Variants in TBC1D22A observed in about 807,000 individuals in gnomAD.
TBC1D22A encodes the protein putative GTPase activator.
In TBC1D22A, 38 loss-of-function variants were observed where a neutral mutation model predicts 60.2. The ratio of observed to expected loss-of-function variants is 0.63; its 90% CI spans 0.49 to 0.83. TBC1D22A has a LOEUF of 0.83. Ranked by LOEUF, TBC1D22A falls within the 40% of genes least tolerant of loss-of-function variation. The pLI is 0.00. For missense variants in TBC1D22A, 628 were observed against 701.0 expected, an observed-to-expected ratio of 0.90 and a Z score of 1.18; for synonymous variants, 302 against 281.7, an observed-to-expected ratio of 1.07 and a Z score of -0.72.
chr22:47,038,723 C>T (rs140356396), intron 11 of TBC1D22A, among the ~76,000 whole-genome samples: 69 of 152,264 alleles, frequency 4.5e-4, no homozygotes, highest in Non-Finnish European at 7.9e-4. Context: ...TTTTCCTTTG[C>T]GCCGCTTGTC....
chr22:47,156,223 A>G (rs1360660794), intron 12 of TBC1D22A, among the ~76,000 whole-genome samples: 1 of 152,204 alleles, frequency 6.6e-6, no homozygotes, highest in East Asian at 1.9e-4. Context: ...GGGACCAATC[A>G]GGGGCTGGAC....
intron 8 of TBC1D22A, among the ~76,000 whole-genome samples, chr22:46,946,446 G>C (rs1419942692): frequency 6.6e-6 from 1 of 152,250 alleles, no homozygotes; most frequent in Non-Finnish European, 1.5e-5. Flanking sequence ...TCTCCTTCTT[G>C]TCTAAAGGGT....
chr22:46,915,920 GGCACTCA>G, intron 8 of TBC1D22A: 1 of 448,804 alleles, frequency 2.2e-6, no homozygotes, highest in Non-Finnish European at 4.5e-6. Flanking sequence ...TGCACATGCT[GGCACTCA>G]GAGCCCTCTC....
chr22:47,110,830 G>A (rs910865031), intron 11 of TBC1D22A, among the ~76,000 whole-genome samples: 1 of 152,204 alleles, frequency 6.6e-6, no homozygotes, highest in Non-Finnish European at 1.5e-5. Context: ...TGCAAGCCCC[G>A]AGCCTCGGTG....
At chr22:46,926,515 C>A (rs2071057584) in intron 8 of TBC1D22A, among the ~76,000 whole-genome samples, 1 of 152,130 alleles carries the variant, frequency 6.6e-6, no homozygotes. Flanking sequence ...TAATTTTGTG[C>A]TGACTTGGCT....
chr22:46,987,722 T>G (rs136126), intron 9 of TBC1D22A, among the ~76,000 whole-genome samples: 56,486 of 152,092 alleles, frequency 0.37, 11,035 homozygotes, highest in African/African-American at 0.5. Flanking sequence ...GGAGGGTGTT[T>G]TCTCGTCTTG....
intron 9 of TBC1D22A, among the ~76,000 whole-genome samples, chr22:46,987,702 T>C (rs1472932260): frequency 6.6e-6 from 1 of 152,232 alleles, no homozygotes; most frequent in Non-Finnish European, 1.5e-5. Flanking sequence ...GTTGTAATCT[T>C]TTTCCCAGCG....
chr22:47,124,780 G>A (rs1345469891), intron 12 of TBC1D22A, among the ~76,000 whole-genome samples: 1 of 151,904 alleles, frequency 6.6e-6, no homozygotes, highest in Non-Finnish European at 1.5e-5. Flanking sequence ...GGGGAAGCAG[G>A]TGATGAGTTT....
At position 47,111,472 on chromosome 22, in the gene TBC1D22A, T is replaced by G. The variant is rs1288230942; in HGVS notation, c.1330-36T>G. 4 of 1,597,336 alleles carry G rather than the reference T, an allele frequency of 2.5e-6. No homozygotes were observed. The South Asian group carries it at 4.5e-5, about 18-fold the overall frequency. ...CGCAGTGATGTTAATGGGTCACGCG[T>G]TACAATTTCTCTCTTGGTTATTTTT... On this transcript the variant is annotated intron_variant, in intron 11 of 12. Coordinates refer to ENST00000337137, the MANE Select transcript of TBC1D22A (RefSeq NM_014346.5).
intron 11 of TBC1D22A, among the ~76,000 whole-genome samples, chr22:47,101,487 A>G (rs558111355): frequency 6.1e-4 from 93 of 152,204 alleles, no homozygotes; most frequent in Non-Finnish European, 9.8e-4. Flanking sequence ...GAGTTTCCCA[A>G]TGCAGCGACC....
intron 10 of TBC1D22A, among the ~76,000 whole-genome samples, chr22:47,018,240 T>C (rs2061968003): frequency 6.6e-6 from 1 of 152,256 alleles, no homozygotes. Context: ...GAGTTTTCCC[T>C]GTGTTTCGTC....
chr22:46,781,047 C>A (rs879269461), intron 1 of TBC1D22A, among the ~76,000 whole-genome samples: 2 of 152,128 alleles, frequency 1.3e-5, no homozygotes, highest in Non-Finnish European at 2.9e-5. Flanking sequence ...GGCATTTCCC[C>A]CTGCCCCGAC....
At chr22:47,081,418 C>T (rs922244722) in intron 11 of TBC1D22A, among the ~76,000 whole-genome samples, 1 of 152,162 alleles carries the variant, frequency 6.6e-6, no homozygotes, top group African/African-American at 2.4e-5. Flanking sequence ...ATGCTTTTCC[C>T]CCTAAGGTGA....
intron 12 of TBC1D22A, among the ~76,000 whole-genome samples, chr22:47,172,082 C>G (rs190162869): frequency 0.016 from 1,517 of 93,570 alleles, 18 homozygotes; most frequent in Non-Finnish European, 0.024. Context: ...AGTGAGCCTA[C>G]CCAGCACTCC....
At chr22:46,939,801 C>T (rs2071876194) in intron 8 of TBC1D22A, among the ~76,000 whole-genome samples, 1 of 152,186 alleles carries the variant, frequency 6.6e-6, no homozygotes, top group Non-Finnish European at 1.5e-5. Flanking sequence ...CATTTAGAAT[C>T]ACCGTTGCGT....
At chr22:47,134,747 T>C (rs1271737929) in intron 12 of TBC1D22A, among the ~76,000 whole-genome samples, 1 of 151,202 alleles carries the variant, frequency 6.6e-6, no homozygotes, top group Non-Finnish European at 1.5e-5. Context: ...GAATTCCTCG[T>C]GCTGTGTGGC....
At chr22:47,157,301 A>G (rs2067761900) in intron 12 of TBC1D22A, among the ~76,000 whole-genome samples, 2 of 152,198 alleles carry the variant, frequency 1.3e-5, no homozygotes, top group African/African-American at 2.4e-5. Flanking sequence ...GAGCTGCACT[A>G]TCCTGCACCT....
chr22:47,016,545 G>C (rs2061916044), intron 10 of TBC1D22A, among the ~76,000 whole-genome samples: 1 of 152,196 alleles, frequency 6.6e-6, no homozygotes, highest in Non-Finnish European at 1.5e-5. Context: ...GCTGGGAAGG[G>C]CAGTATGTGC....
At position 46,839,740 on chromosome 22, in the gene TBC1D22A, A is replaced by T. The variant is rs112937076; in HGVS notation, c.638-38913A>T. Among the ~76,000 whole-genome samples, 1,252 of 152,360 alleles carry T rather than the reference A, an allele frequency of 8.2e-3. 8 individuals carry two copies. Among genetic ancestry groups the T allele is most frequent in the Middle Eastern group, 0.02 (6 of 294 alleles). ...CAAAACAGTATGATATTGGCATAAA[A>T]ACTGACATATAGACCAATGGAATGT... On this transcript the variant is annotated intron_variant, in intron 4 of 12. Coordinates refer to ENST00000337137, the MANE Select transcript of TBC1D22A (RefSeq NM_014346.5).
Sources: allele counts gnomAD v4.1 joint callset (sites outside exome capture counted in the v4.1 genomes callset), GRCh38; gene constraint gnomAD v4.1.1; transcripts MANE v1.5; gene names NCBI Gene and HGNC (gene_info 2026-07-23, HGNC 2026-07-21).